The following KLF13 variants were observed in gnomAD, a reference collection of about 807,000 sequenced individuals.
KLF13 encodes KLF transcription factor 13.
A neutral mutation model predicts 16.7 loss-of-function variants in KLF13; 8 were observed. That is an observed-to-expected ratio of 0.48 (90% CI 0.28 to 0.87). KLF13 has a LOEUF of 0.87. KLF13 is among the 40% of genes least tolerant of loss of function. The pLI is 0.10. For missense variants in KLF13, 447 were observed against 452.2 expected, an observed-to-expected ratio of 0.99 and a Z score of 0.10; for synonymous variants, 245 against 208.4, an observed-to-expected ratio of 1.18 and a Z score of -1.51.
intron 2 of KLF13, among the ~76,000 whole-genome samples, chr15:31,395,500 C>T (rs186903975): frequency 1.3e-5 from 2 of 152,088 alleles, no homozygotes; most frequent in African/African-American, 4.8e-5. Flanking sequence ...TCATTTCTCT[C>T]GGGTATACAC....
intron 1 of KLF13, among the ~76,000 whole-genome samples, chr15:31,360,476 G>C (rs1415095496): frequency 6.6e-6 from 1 of 152,208 alleles, no homozygotes. Flanking sequence ...GGGCTGCCAG[G>C]TCACCTGTTC....
rs947223503 is a variant in KLF13 at position 31,338,355 on chromosome 15, G to A, written c.577+10566G>A. On this transcript the variant is annotated intron_variant, in intron 1 of 1. Coordinates refer to ENST00000307145, the MANE Select transcript of KLF13 (RefSeq NM_015995.4). ...ATATATGCCCGTATTTGCAGCATGT[G>A]TGTATGTGCTTGTATATGCGCATGC... is the stretch of plus-strand genomic sequence containing the variant. 3.3e-5 allele frequency among the ~76,000 whole-genome samples: 5 copies of A among 152,190 alleles called. No homozygotes were observed. The South Asian group carries it at 1.0e-3, about 31-fold the overall frequency.
At chr15:31,331,944 A>C (rs2038841149) in intron 1 of KLF13, among the ~76,000 whole-genome samples, 1 of 152,230 alleles carries the variant, frequency 6.6e-6, no homozygotes, top group African/African-American at 2.4e-5. Flanking sequence ...TGCTTAAATG[A>C]GGCATCTTCA....
chr15:31,388,655 AT>A (rs2039822997), upstream of KLF13, among the ~76,000 whole-genome samples: 1 of 148,890 alleles, frequency 6.7e-6, no homozygotes, highest in Non-Finnish European at 1.5e-5. Flanking sequence ...TGTTTATTTT[AT>A]GGAGTATTGA....
chr15:31,383,481 G>A (rs564721301), intron 1 of KLF13, among the ~76,000 whole-genome samples: 2 of 151,808 alleles, frequency 1.3e-5, no homozygotes, highest in South Asian at 2.1e-4. Flanking sequence ...GCACACATAG[G>A]AGTGTCAGCG....
At chr15:31,367,531 C>T (rs2039493490) in intron 1 of KLF13, among the ~76,000 whole-genome samples, 1 of 152,222 alleles carries the variant, frequency 6.6e-6, no homozygotes, top group South Asian at 2.1e-4. Flanking sequence ...GCCCCAACAC[C>T]ATGTGGTCCA....
At chr15:31,421,517 G>A (rs1174344907) in intron 1 of KLF13, among the ~76,000 whole-genome samples, 1 of 151,978 alleles carries the variant, frequency 6.6e-6, no homozygotes, top group Non-Finnish European at 1.5e-5. Context: ...CATAAAGTAG[G>A]GGAGATGTAA....
intron 1 of KLF13, among the ~76,000 whole-genome samples, chr15:31,350,338 G>A (rs1457767333): frequency 6.6e-6 from 1 of 152,210 alleles, no homozygotes; most frequent in East Asian, 1.9e-4. Context: ...TCCGTTGTTC[G>A]GAACCTCGCC....
chr15:31,423,327 T>C (rs1166643603), intron 1 of KLF13, among the ~76,000 whole-genome samples: 1 of 150,314 alleles, frequency 6.7e-6, no homozygotes, highest in Non-Finnish European at 1.5e-5. Flanking sequence ...AGACAGAAGA[T>C]TAATAAAGAA....
chr15:31,349,645 A>T (rs1016440540), intron 1 of KLF13, among the ~76,000 whole-genome samples: 3 of 152,058 alleles, frequency 2.0e-5, no homozygotes, highest in African/African-American at 7.2e-5. Flanking sequence ...AGTGGGGAGG[A>T]ATTAGGCTGG....
chr15:31,355,865 C>T (rs1038711479), intron 1 of KLF13, among the ~76,000 whole-genome samples: 19 of 151,954 alleles, frequency 1.3e-4, no homozygotes, highest in African/African-American at 3.9e-4. Context: ...CCAGTGTGGC[C>T]TGCTCCGTGT....
At chr15:31,401,437 G>C (rs567201692) in intron 2 of KLF13, among the ~76,000 whole-genome samples, 1 of 152,226 alleles carries the variant, frequency 6.6e-6, no homozygotes, top group African/African-American at 2.4e-5. Context: ...GGCAAGGCAC[G>C]GGTAGGGGTG....
downstream of KLF13, among the ~76,000 whole-genome samples, chr15:31,405,055 C>T (rs1004122511): frequency 1.3e-5 from 2 of 152,178 alleles, no homozygotes; most frequent in South Asian, 2.1e-4. Flanking sequence ...CCCTGAAACT[C>T]ATATGTTGAG....
At chr15:31,362,907 G>A (rs1241105966) in intron 1 of KLF13, among the ~76,000 whole-genome samples, 3 of 152,162 alleles carry the variant, frequency 2.0e-5, no homozygotes, top group Admixed American at 1.3e-4. Flanking sequence ...ATAGTGTTCT[G>A]TTATATGTGC....
At position 31,425,670 on chromosome 15, in the gene KLF13, A is replaced by C. The variant is rs150514631; in HGVS notation, n.118-9700A>C. Among the ~76,000 whole-genome samples the C allele has an allele frequency of 7.1e-3, 1,076 of 152,302 alleles. 6 individuals are homozygous for C. Among genetic ancestry groups the C allele is most frequent in the Middle Eastern group, 0.014 (4 of 294 alleles). The stretch of plus-strand genomic sequence containing the variant: ...GGCGGGCAGATCACCTGAGGTCAGA[A>C]GTTTGAGAGCAGCCTGGCCAACATG... On this transcript the variant is annotated intron_variant and non_coding_transcript_variant, in intron 1 of 1. Coordinates refer to the KLF13 transcript ENST00000558225.
chr15:31,373,801 A>C lies in KLF13; in HGVS notation c.*1502A>C, dbSNP rs766226392. The stretch of plus-strand genomic sequence containing the variant: ...CAGGTATCACCTTCCCTTCCTCCTG[A>C]GAGTTGAGGCCTGTAAATACAAGGG... On this transcript the variant is annotated 3_prime_UTR_variant, in exon 2 of 2. Transcript: ENST00000307145. 2 of 145,462 alleles carry C rather than the reference A, an allele frequency of 1.4e-5. No individual in the cohort carries two copies. The highest frequency in any genetic ancestry group is 5.2e-5 in the African/African-American group (2 of 38,796). The allele number at this position is 145,462 out of a possible 1,614,324, so 9.0% of individuals were successfully genotyped here. A position where few individuals can be genotyped will look rare whatever the true frequency, so the allele number is the denominator to read the frequency against.
In KLF13 at chr15:31,327,275, C is replaced by A; in HGVS notation, c.63C>A (p.Arg21=). 1.5e-6 allele frequency: 2 copies of A among 1,368,504 alleles called. No individual in the cohort carries two copies. The highest frequency in any genetic ancestry group is 1.9e-6 in the Non-Finnish European group (2 of 1,059,728). The allele number at this position is 1,368,504 out of a possible 1,614,324, so 84.8% of individuals were successfully genotyped here. A position where few individuals can be genotyped will look rare whatever the true frequency, so the allele number is the denominator to read the frequency against. Reference sequence around the variant, plus strand: ...AGTGCCTCGTGTCCATGTCGAGCCGCGCGGTCGTGCACGGGCCGCGGGAGG... The same window carrying A: ...AGTGCCTCGTGTCCATGTCGAGCCGAGCGGTCGTGCACGGGCCGCGGGAGG... ...AAECLVSMSS[R]AVVHGPREGP... The change falls in exon 1 of 2, where the codon CGC becomes CGA. Residue 21 remains arginine, a synonymous_variant. Coordinates refer to ENST00000307145, the MANE Select transcript of KLF13 (RefSeq NM_015995.4).
intron 1 of KLF13, among the ~76,000 whole-genome samples, chr15:31,329,586 C>T (rs1279008366): frequency 2.0e-5 from 3 of 152,134 alleles, no homozygotes; most frequent in Non-Finnish European, 2.9e-5. Flanking sequence ...GCTTCAGGCT[C>T]TGGCCCCGCG....
chr15:31,410,010 C>T (rs1224047102), intron 1 of KLF13, among the ~76,000 whole-genome samples: 1 of 152,048 alleles, frequency 6.6e-6, no homozygotes, highest in Non-Finnish European at 1.5e-5. Flanking sequence ...ATTTTAATTG[C>T]TCTAAAAGAC....
Sources: gnomAD v4.1 joint callset for allele counts (sites outside exome capture counted in the v4.1 genomes callset) on GRCh38, gnomAD v4.1.1 for gene constraint, MANE v1.5 for transcripts, NCBI Gene and HGNC (gene_info 2026-07-23, HGNC 2026-07-21) for gene names.